HDAC9: variants seen among roughly 807,000 people sequenced by gnomAD.
HDAC9 encodes histone deacetylase 9.
Under a neutral mutation model 139.4 loss-of-function variants are expected in HDAC9, and 41 were observed. The observed-to-expected ratio is 0.29, with a 90% CI of 0.23 to 0.38. The LOEUF is 0.38. Among genes scored for constraint, HDAC9 ranks in the 10% least tolerant of loss-of-function variants. HDAC9 has a pLI of 1.00. For synonymous variants in HDAC9, 517 were observed against 476.2 expected (o/e 1.09, Z -1.12); for missense variants, 1,147 against 1,297.0 (o/e 0.88, Z 1.78).
chr7:18,621,533 A>T (rs801532), intron 6 of HDAC9, among the ~76,000 whole-genome samples: 32 of 152,080 alleles, frequency 2.1e-4, no homozygotes, highest in Middle Eastern at 3.5e-3. Flanking sequence ...ATTTCTCAAA[A>T]ACAAATAGTA....
At chr7:18,162,346 C>T (rs1310207958) in exon 2 of HDAC9, 2 of 1,535,004 alleles carry the variant, frequency 1.3e-6, no homozygotes, top group Non-Finnish European at 1.7e-6. Context: ...ACCTGCACAG[C>T]CTGGTCAGTC....
In HDAC9 at chr7:18,784,063, G is replaced by T. The variant is rs557292889; in HGVS notation, c.2215-9282G>T. On this transcript the variant is annotated intron_variant, in intron 16 of 25. Transcript: ENST00000686413. ...GTGGCTTTCGGTGTCATTTGAACAC[G>T]TGGCTACTTCTTTAGCCCTAATCTG... Among the ~76,000 whole-genome samples the T allele has an allele frequency of 1.2e-4, 18 of 151,910 alleles. No homozygotes were observed. The South Asian group carries it at 3.7e-3, about 32-fold the overall frequency.
At chr7:18,125,181 C>A (rs1291041580) in intron 1 of HDAC9, among the ~76,000 whole-genome samples, 1 of 151,836 alleles carries the variant, frequency 6.6e-6, no homozygotes, top group Non-Finnish European at 1.5e-5. Flanking sequence ...ATGAGGGTAC[C>A]CCCCCATCTT....
rs541838006 is a variant in HDAC9, at chr7:18,921,727, G to A, written c.2804-14082G>A. Among the ~76,000 whole-genome samples the A allele has an allele frequency of 6.4e-3, 973 of 152,054 alleles. 9 individuals are homozygous for A. The highest frequency in any genetic ancestry group is 0.03 in the South Asian group (144 of 4,812). On this transcript the variant is annotated intron_variant, in intron 22 of 25. Transcript: ENST00000686413. ...ATTTGACCCAGCCATCCCATTACTG[G>A]GTATATACCCAAAGGACTATAAATC...
At chr7:18,354,630 T>C (rs1321838782) in intron 1 of HDAC9, among the ~76,000 whole-genome samples, 1 of 152,182 alleles carries the variant, frequency 6.6e-6, no homozygotes, top group African/African-American at 2.4e-5. Flanking sequence ...AAAAAGGAAC[T>C]TAAAAATCAA....
rs561601282 is a variant in HDAC9, at chr7:18,990,628, CG to C, written c.3171-5392del. 6.6e-5 allele frequency among the ~76,000 whole-genome samples: 10 copies of C among 152,360 alleles called. No individual in the cohort carries two copies. In the East Asian group the frequency reaches 1.7e-3, roughly 27 times the overall value. ...TTACCTAAGCAAGGCTGGGCAATGG[CG>C]GGCGCCCCTCCCCCAGCCTGGCTGC... On this transcript the variant is annotated intron_variant, in intron 25 of 25. Transcript: ENST00000686413.
chr7:18,730,902 T>A (rs920765148), intron 13 of HDAC9, among the ~76,000 whole-genome samples: 9 of 152,190 alleles, frequency 5.9e-5, no homozygotes, highest in Admixed American at 4.6e-4. Context: ...TCACTACTCT[T>A]GCACTTTGGA....
In HDAC9 at chr7:18,731,310, A is replaced by G. The variant is rs78598471; in HGVS notation, c.1909+3553A>G. 4.2e-3 allele frequency among the ~76,000 whole-genome samples: 635 copies of G among 152,286 alleles called. 2 individuals carry two copies. The highest frequency in any genetic ancestry group is 9.1e-3 in the African/African-American group (379 of 41,560). The stretch of plus-strand genomic sequence containing the variant: ...TCAATAGCTGTTCCACTAAATAGCA[A>G]GGTAGCGGACACAGACACATTATAA... On this transcript the variant is annotated intron_variant, in intron 13 of 25. Transcript: ENST00000686413.
intron 3 of HDAC9, among the ~76,000 whole-genome samples, chr7:18,590,122 A>G (rs1005800151): frequency 6.6e-6 from 1 of 152,206 alleles, no homozygotes; most frequent in African/African-American, 2.4e-5. Context: ...ATGCACAGAT[A>G]ATGGAGCTAC....
chr7:18,877,624 A>C (rs1799418040), intron 22 of HDAC9, among the ~76,000 whole-genome samples: 1 of 152,210 alleles, frequency 6.6e-6, no homozygotes, highest in Non-Finnish European at 1.5e-5. Context: ...CTTTTAAAAT[A>C]GTTTTGTTTG....
chr7:18,217,834 A>G (rs1422215524), intron 2 of HDAC9, among the ~76,000 whole-genome samples: 3 of 152,222 alleles, frequency 2.0e-5, no homozygotes, highest in African/African-American at 7.2e-5. Context: ...AATGACAAAC[A>G]TTAATTTTCT....
chr7:18,634,872 C>T (rs547731394), intron 8 of HDAC9, 130 bp downstream of exon 8: 36 of 605,116 alleles, frequency 5.9e-5, no homozygotes, highest in Admixed American at 3.1e-4. Context: ...CTCAGTTCCA[C>T]ATATTGTAAA....
Position 18,214,117 on chromosome 7 carries a change from A to G in HDAC9, c.25+51768A>G, listed in dbSNP as rs183005677. Among the ~76,000 whole-genome samples the G allele has an allele frequency of 1.7e-3, 252 of 152,238 alleles. 3 individuals are homozygous for G. Among genetic ancestry groups the G allele is most frequent in the African/African-American group, 5.9e-3 (245 of 41,566 alleles). On this transcript the variant is annotated intron_variant, in intron 2 of 12. Coordinates refer to the HDAC9 transcript ENST00000417496. ...AAGCCTCACTACAACATAGTATTAT[A>G]AGGTATATATTTTTATTCTGTTTTG...
At chr7:18,781,107 A>G (rs1378842763) in intron 16 of HDAC9, among the ~76,000 whole-genome samples, 1 of 151,940 alleles carries the variant, frequency 6.6e-6, no homozygotes, top group Non-Finnish European at 1.5e-5. Context: ...TTCTCTGTTC[A>G]TGCGCATCCC....
In HDAC9 at chr7:18,806,508, C is replaced by A. The variant is rs533561710; in HGVS notation, c.2322+13056C>A. On this transcript the variant is annotated intron_variant, in intron 17 of 25. Coordinates refer to ENST00000686413, the MANE Select transcript of HDAC9 (RefSeq NM_178425.4). ...CAGAGCCAACAATATGGCATGGAAT[C>A]CTCATGTTGTCATTTTTCTAACCCT... Among the ~76,000 whole-genome samples the A allele has an allele frequency of 4.6e-5, 7 of 152,258 alleles. No homozygotes were observed. In the South Asian group the frequency reaches 8.3e-4, roughly 18 times the overall value.
chr7:18,301,084 T>C (rs984627655), intron 1 of HDAC9, among the ~76,000 whole-genome samples: 4 of 151,160 alleles, frequency 2.6e-5, no homozygotes, highest in Admixed American at 6.6e-5. Flanking sequence ...TGTTTTTTTT[T>C]CCCGCAATGC....
At chr7:18,945,653 C>T (rs1782327172) in intron 23 of HDAC9, among the ~76,000 whole-genome samples, 1 of 152,122 alleles carries the variant, frequency 6.6e-6, no homozygotes, top group South Asian at 2.1e-4. Flanking sequence ...CATAGTTCAT[C>T]TGGCATTGAA....
At chr7:18,211,068 G>A (rs1014736609) in intron 2 of HDAC9, among the ~76,000 whole-genome samples, 1 of 152,198 alleles carries the variant, frequency 6.6e-6, no homozygotes, top group Non-Finnish European at 1.5e-5. Context: ...AAACTCAGAA[G>A]CATGTGATTA....
At chr7:18,518,999 C>A (rs949428499) in intron 2 of HDAC9, among the ~76,000 whole-genome samples, 6 of 152,128 alleles carry the variant, frequency 3.9e-5, no homozygotes, top group Non-Finnish European at 8.8e-5. Context: ...TCCAGAAGCC[C>A]AGTGTCTGTA....
Sources: gnomAD v4.1 joint callset for allele counts (sites outside exome capture counted in the v4.1 genomes callset) on GRCh38, gnomAD v4.1.1 for gene constraint, MANE v1.5 for transcripts, NCBI Gene and HGNC (gene_info 2026-07-23, HGNC 2026-07-21) for gene names.